The following MB21D2 variants were observed in gnomAD, a reference collection of about 807,000 sequenced individuals.
MB21D2 encodes nucleotidyltransferase MB21D2.
A neutral mutation model predicts 33.3 loss-of-function variants in MB21D2; 9 were observed. The observed-to-expected ratio is 0.27, with a 90% CI of 0.16 to 0.47. The LOEUF is 0.47. Ranked by LOEUF, MB21D2 falls within the 20% of genes least tolerant of loss-of-function variation. The pLI is 0.99. For synonymous variants in MB21D2, 241 were observed against 236.3 expected (o/e 1.02, Z -0.18); for missense variants, 540 against 624.6 (o/e 0.86, Z 1.44).
At chr3:192,869,544 T>C (rs1195912923) in intron 1 of MB21D2, among the ~76,000 whole-genome samples, 1 of 152,176 alleles carries the variant, frequency 6.6e-6, no homozygotes, top group African/African-American at 2.4e-5. Flanking sequence ...AGTCATGTAA[T>C]ATGTGTCTGA....
chr3:192,849,739 T>C (rs977821404), intron 1 of MB21D2, among the ~76,000 whole-genome samples: 3 of 152,216 alleles, frequency 2.0e-5, no homozygotes, highest in African/African-American at 7.2e-5. Flanking sequence ...TTTATGTCTA[T>C]TGCTTATTAT....
intron 1 of MB21D2, among the ~76,000 whole-genome samples, chr3:192,916,541 C>T (rs1343754360): frequency 6.6e-6 from 1 of 152,238 alleles, no homozygotes; most frequent in Non-Finnish European, 1.5e-5. Context: ...AGCAGCGCTA[C>T]CCTGGAGTAC....
intron 1 of MB21D2, among the ~76,000 whole-genome samples, chr3:192,842,778 A>AT (rs770042113): frequency 7.9e-5 from 12 of 152,178 alleles, no homozygotes; most frequent in Non-Finnish European, 2.9e-5. Context: ...AGATCCAGGG[A>AT]TTTTTTGGTT....
At chr3:192,826,129 T>C (rs553307032) in intron 1 of MB21D2, among the ~76,000 whole-genome samples, 2 of 152,350 alleles carry the variant, frequency 1.3e-5, no homozygotes, top group Admixed American at 6.5e-5. Flanking sequence ...CCCTAGGCAG[T>C]AGAGGAATCT....
intron 1 of MB21D2, among the ~76,000 whole-genome samples, chr3:192,880,367 A>C (rs1352011674): frequency 1.3e-5 from 2 of 151,974 alleles, no homozygotes; most frequent in African/African-American, 2.4e-5. Context: ...AAAATAAAAT[A>C]AAATCCACTG....
Position 192,917,785 on chromosome 3 carries a change from T to C in MB21D2, c.56A>G (p.Lys19Arg). 1 of 1,613,626 alleles carries C rather than the reference T, an allele frequency of 6.2e-7. No homozygotes were observed. The highest frequency in any genetic ancestry group is 8.5e-7 in the Non-Finnish European group (1 of 1,180,006). Residue 19 changes from lysine (K) to arginine (R), a missense_variant, in exon 1 of 2, where the codon AAG becomes AGG. By Grantham distance (26) the Lys-to-Arg change is conservative (BLOSUM62 2). Transcript: ENST00000392452. Reference sequence around the variant, plus strand: ...GAAATCCAGCTCCGGGAACGCAGGCTTGTTGTTACAGCCCAGGGAGGCTGC... The same window carrying C: ...GAAATCCAGCTCCGGGAACGCAGGCCTGTTGTTACAGCCCAGGGAGGCTGC... ...NKAASLGCNNKPAFPELDFRS... is the reference protein window; with the variant it reads ...NKAASLGCNNRPAFPELDFRS...
At chr3:192,812,858 A>AT (rs1279819066) in intron 1 of MB21D2, among the ~76,000 whole-genome samples, 5 of 107,646 alleles carry the variant, frequency 4.6e-5, no homozygotes, top group East Asian at 2.9e-4. Context: ...AAAACCATGT[A>AT]TTTTTTCCCT....
At chr3:192,850,546 A>G (rs371029061) in intron 1 of MB21D2, among the ~76,000 whole-genome samples, 18 of 152,202 alleles carry the variant, frequency 1.2e-4, no homozygotes, top group African/African-American at 4.3e-4. Context: ...TCCACAGAAA[A>G]GAGGTGCCTG....
chr3:192,859,314 C>T (rs183511580), intron 1 of MB21D2, among the ~76,000 whole-genome samples: 194 of 152,328 alleles, frequency 1.3e-3, no homozygotes, highest in African/African-American at 4.5e-3. Context: ...CATACTCTCT[C>T]ATCTTCCACT....
At chr3:192,871,531 T>G (rs1259403806) in intron 1 of MB21D2, among the ~76,000 whole-genome samples, 1 of 152,194 alleles carries the variant, frequency 6.6e-6, no homozygotes, top group East Asian at 1.9e-4. Flanking sequence ...GAATAGACAT[T>G]AGAGGTGCAG....
intron 1 of MB21D2, among the ~76,000 whole-genome samples, chr3:192,893,336 C>G (rs2094300243): frequency 1.3e-5 from 2 of 152,184 alleles, no homozygotes; most frequent in Non-Finnish European, 2.9e-5. Flanking sequence ...CACTGCAAAT[C>G]TCTACATCTA....
rs368832763 is a variant in MB21D2 at position 192,857,846 on chromosome 3, C to G, written c.212-58196G>C. Among the ~76,000 whole-genome samples, 3 of 152,072 alleles carry G rather than the reference C, an allele frequency of 2.0e-5. No homozygotes were observed. The South Asian group carries it at 6.2e-4, about 32-fold the overall frequency. On this transcript the variant is annotated intron_variant, in intron 1 of 1. Transcript: ENST00000392452. ...ACATATGATAAAAGCGGCCTTAGGT[C>G]GGGCGCAGTGGCTCACACCTGTAAT...
chr3:192,835,161 A>C (rs1712408276), intron 1 of MB21D2, among the ~76,000 whole-genome samples: 1 of 149,806 alleles, frequency 6.7e-6, no homozygotes, highest in Non-Finnish European at 1.5e-5. Flanking sequence ...TTTAAAAAAA[A>C]AAAAAAAAAA....
intron 1 of MB21D2, among the ~76,000 whole-genome samples, chr3:192,866,890 C>A (rs1017910517): frequency 2.0e-5 from 3 of 152,146 alleles, no homozygotes; most frequent in Non-Finnish European, 4.4e-5. Context: ...CCGCTTCACA[C>A]ACCTAGAAAC....
chr3:192,856,895 TTC>T (rs1343991721), intron 1 of MB21D2, among the ~76,000 whole-genome samples: 1 of 152,126 alleles, frequency 6.6e-6, no homozygotes, highest in Non-Finnish European at 1.5e-5. Context: ...ACTAATTATC[TTC>T]TGTCTGTTTG....
At chr3:192,851,294 A>C (rs1196180628) in intron 1 of MB21D2, among the ~76,000 whole-genome samples, 2 of 152,174 alleles carry the variant, frequency 1.3e-5, no homozygotes, top group African/African-American at 2.4e-5. Flanking sequence ...TGAAATGTCC[A>C]GAATAGGCAA....
chr3:192,900,812 C>T (rs985413724), intron 1 of MB21D2, among the ~76,000 whole-genome samples: 10 of 151,910 alleles, frequency 6.6e-5, no homozygotes, highest in Non-Finnish European at 7.4e-5. Flanking sequence ...ATGGCGGCGC[C>T]CGCCTGTAGT....
At chr3:192,908,978 G>A (rs936212907) in intron 1 of MB21D2, among the ~76,000 whole-genome samples, 4 of 151,784 alleles carry the variant, frequency 2.6e-5, no homozygotes, top group African/African-American at 4.8e-5. Context: ...AAATGCGGCC[G>A]GGCACGGTGG....
At chr3:192,859,046 G>A (rs891375227) in intron 1 of MB21D2, among the ~76,000 whole-genome samples, 2 of 152,134 alleles carry the variant, frequency 1.3e-5, no homozygotes, top group African/African-American at 4.8e-5. Context: ...GGGTTCATGT[G>A]TGCTGGGCTC....
Sources: allele counts gnomAD v4.1 joint callset (sites outside exome capture counted in the v4.1 genomes callset), GRCh38; gene constraint gnomAD v4.1.1; transcripts MANE v1.5; gene names NCBI Gene and HGNC (gene_info 2026-07-23, HGNC 2026-07-21).